The following DCAF7 variants were observed in gnomAD, a reference collection of about 807,000 sequenced individuals.
The protein encoded by DCAF7 is DDB1 and CUL4 associated factor 7.
In DCAF7, 4 loss-of-function variants were observed where a neutral mutation model predicts 41.2. That is an observed-to-expected ratio of 0.10 (90% CI 0.05 to 0.22). The LOEUF (loss-of-function observed/expected upper bound fraction) is 0.22, where lower values mean the gene tolerates loss of function less well. Among genes scored for constraint, DCAF7 ranks in the 10% least tolerant of loss-of-function variants. The pLI is 1.00. For missense variants in DCAF7, 131 were observed against 443.2 expected (o/e 0.30, Z 6.32); for synonymous variants, 143 against 164.2 (o/e 0.87, Z 0.99).
intron 6 of DCAF7, 38 bp from the exon 7 acceptor site, chr17:63,588,962 C>G (rs755379570): frequency 6.3e-7 from 1 of 1,579,080 alleles, no homozygotes; most frequent in East Asian, 2.3e-5. Context: ...CGCATTGCCT[C>G]ACTTGTGACC....
At chr17:63,568,964 G>A (rs981133490) in intron 1 of DCAF7, among the ~76,000 whole-genome samples, 1 of 152,204 alleles carries the variant, frequency 6.6e-6, no homozygotes, top group Non-Finnish European at 1.5e-5. Flanking sequence ...ATGCTTAGGA[G>A]TGAATCGGTT....
At chr17:63,555,323 A>T (rs1278743929) in intron 1 of DCAF7, among the ~76,000 whole-genome samples, 1 of 152,166 alleles carries the variant, frequency 6.6e-6, no homozygotes, top group Non-Finnish European at 1.5e-5. Context: ...GAGAGACTGT[A>T]GGTATATCTG....
chr17:63,561,025 T>C (rs533103824), intron 1 of DCAF7, among the ~76,000 whole-genome samples: 273 of 152,240 alleles, frequency 1.8e-3, no homozygotes, highest in Middle Eastern at 3.4e-3. Context: ...ATCCCAGCAC[T>C]TTGGGAGGCT....
intron 5 of DCAF7, among the ~76,000 whole-genome samples, chr17:63,584,217 C>A (rs926601347): frequency 6.6e-6 from 1 of 152,198 alleles, no homozygotes; most frequent in Non-Finnish European, 1.5e-5. Flanking sequence ...CGCCTGTAAT[C>A]CCAACACTTT....
chr17:63,576,492 G>A (rs938440842), intron 1 of DCAF7, among the ~76,000 whole-genome samples: 4 of 152,032 alleles, frequency 2.6e-5, no homozygotes, highest in Non-Finnish European at 5.9e-5. Context: ...TTCATATCTT[G>A]TACCATATAA....
intron 1 of DCAF7, among the ~76,000 whole-genome samples, chr17:63,559,357 A>G (rs2033347444): frequency 2.3e-5 from 3 of 130,300 alleles, no homozygotes; most frequent in African/African-American, 9.5e-5. Flanking sequence ...ACGTATATAT[A>G]TGTATGTATA....
chr17:63,586,982 C>T (rs1004100730), intron 6 of DCAF7, among the ~76,000 whole-genome samples: 5 of 152,128 alleles, frequency 3.3e-5, no homozygotes, highest in Admixed American at 2.0e-4. Flanking sequence ...GGTATACTTT[C>T]AGGGATGTAC....
intron 3 of DCAF7, 122 bp from the exon 4 acceptor site, chr17:63,579,703 C>T (rs1266422566): frequency 3.5e-6 from 3 of 863,348 alleles, no homozygotes; most frequent in South Asian, 3.5e-5. Flanking sequence ...TAGCCCCCAC[C>T]TTGTTTTCTG....
At chr17:63,587,076 A>G (rs2033685207) in intron 6 of DCAF7, among the ~76,000 whole-genome samples, 1 of 152,106 alleles carries the variant, frequency 6.6e-6, no homozygotes, top group Non-Finnish European at 1.5e-5. Context: ...TTTGCTCCTT[A>G]ACTTTTTTAG....
chr17:63,562,474 A>G (rs1286092559), intron 1 of DCAF7, among the ~76,000 whole-genome samples: 1 of 152,176 alleles, frequency 6.6e-6, no homozygotes, highest in East Asian at 1.9e-4. Flanking sequence ...TGTGAAAGAT[A>G]TGCCATGGAC....
chr17:63,576,202 G>T (rs2033559966), intron 1 of DCAF7, among the ~76,000 whole-genome samples: 1 of 152,214 alleles, frequency 6.6e-6, no homozygotes, highest in African/African-American at 2.4e-5. Flanking sequence ...AGCACTTTGG[G>T]AGGCCGAGGC....
chr17:63,586,476 A>T (rs971326752), intron 6 of DCAF7, among the ~76,000 whole-genome samples: 1 of 151,978 alleles, frequency 6.6e-6, no homozygotes, highest in Non-Finnish European at 1.5e-5. Flanking sequence ...TTAAAAAAAG[A>T]AAAGAAAGGC....
intron 1 of DCAF7, among the ~76,000 whole-genome samples, chr17:63,573,783 T>C (rs1305654147): frequency 2.6e-5 from 4 of 152,016 alleles, no homozygotes. Flanking sequence ...TTTAGTTCCA[T>C]GTAAAAACTG....
chr17:63,583,760 G>T, intron 5 of DCAF7, 49 bp downstream of exon 5: 6 of 1,568,270 alleles, frequency 3.8e-6, no homozygotes, highest in Non-Finnish European at 5.3e-6. Flanking sequence ...CTCCAGCACT[G>T]CTTAGTATAT....
chr17:63,588,865 C>T (rs1257094505), intron 6 of DCAF7, 135 bp from the exon 7 acceptor site: 19 of 955,970 alleles, frequency 2.0e-5, no homozygotes, highest in Non-Finnish European at 2.0e-5. Context: ...ATTTCCTCAT[C>T]GATAAAATGG....
chr17:63,550,487 C>T lies in DCAF7; in HGVS notation c.-191C>T. ...AAACGGAAGGTGGTTGTCGTCCGTT[C>T]CCAAGCTGGTTTGAAACTAGGGGTC... On this transcript the variant is annotated 5_prime_UTR_variant, in exon 1 of 7. Transcript: ENST00000614556. This position sits in a 1 kb window ranked among gnomAD's most constrained non-coding sequence, Gnocchi z 4.8. 1 of 937,644 alleles carries T rather than the reference C, an allele frequency of 1.1e-6. No homozygotes were observed. Among genetic ancestry groups the T allele is most frequent in the Non-Finnish European group, 1.5e-6 (1 of 661,878 alleles). The allele number at this position is 937,644 out of a possible 1,614,324, so 58.1% of individuals were successfully genotyped here.
intron 3 of DCAF7, 29 bp downstream of exon 3, chr17:63,579,477 G>C (rs1317350663): frequency 6.6e-7 from 1 of 1,515,186 alleles, no homozygotes; most frequent in African/African-American, 1.4e-5. Flanking sequence ...ATGTATTTCA[G>C]CTGGAAGAAG....
rs72845880 is a variant in DCAF7, at chr17:63,567,253, A to G, written c.139-11217A>G. 9.0e-3 allele frequency among the ~76,000 whole-genome samples: 1,375 copies of G among 152,350 alleles called. 13 individuals are homozygous for G. The highest frequency in any genetic ancestry group is 0.017 in the Middle Eastern group (5 of 294). On this transcript the variant is annotated intron_variant, in intron 1 of 6. Coordinates refer to ENST00000614556, the MANE Select transcript of DCAF7 (RefSeq NM_005828.5). ...TACTCTTTTACTCTGTATTATATGC[A>G]TATTCAGAGAGAACTTATATTTTCT...
chr17:63,561,835 G>A (rs2033384108), intron 1 of DCAF7, among the ~76,000 whole-genome samples: 1 of 152,002 alleles, frequency 6.6e-6, no homozygotes, highest in Non-Finnish European at 1.5e-5. Context: ...TTTTTAAGTT[G>A]AAATCAACTG....
Sources: allele counts gnomAD v4.1 joint callset (sites outside exome capture counted in the v4.1 genomes callset), GRCh38; gene constraint gnomAD v4.1.1; non-coding constraint Gnocchi (gnomAD v3.1); transcripts MANE v1.5; gene names NCBI Gene and HGNC (gene_info 2026-07-23, HGNC 2026-07-21).